The following CEP104 variants were observed in gnomAD, a reference collection of about 807,000 sequenced individuals.
CEP104 encodes the protein centrosomal protein 104, also known as centrosomal protein of 104 kDa.
A neutral mutation model predicts 113.3 loss-of-function variants in CEP104; 84 were observed. The observed-to-expected ratio is 0.74, with a 90% CI of 0.62 to 0.89. CEP104 has a LOEUF of 0.89. CEP104 is among the 40% of genes least tolerant of loss of function. CEP104 has a pLI of 0.00. For synonymous variants in CEP104, 378 were observed against 421.7 expected, an observed-to-expected ratio of 0.90 and a Z score of 1.27; for missense variants, 1,053 against 1,156.6, an observed-to-expected ratio of 0.91 and a Z score of 1.30.
intron 5 of CEP104, 144 bp downstream of exon 5, chr1:3,845,145 A>C (rs1405601397): frequency 3.7e-6 from 3 of 815,688 alleles, no homozygotes; most frequent in Non-Finnish European, 6.0e-6. Context: ...CATATGCTAC[A>C]GCTCCTAAAA....
chr1:3,856,708 G>A (rs1436453410), intron 1 of CEP104, among the ~76,000 whole-genome samples, 181 bp downstream of exon 1: 1 of 152,070 alleles, frequency 6.6e-6, no homozygotes, highest in Admixed American at 6.5e-5. Flanking sequence ...GGGCCGCGCC[G>A]GCTCTTCGGC....
At chr1:3,843,329 A>AG in intron 6 of CEP104, 1 of 546,666 alleles carries the variant, frequency 1.8e-6, no homozygotes, top group Non-Finnish European at 3.4e-6. Flanking sequence ...CACTGCTAAA[A>AG]AAAAAAAAAA....
At position 3,846,194 on chromosome 1, in the gene CEP104, T is replaced by C. The variant is rs1486666495; in HGVS notation, c.427-843A>G. Among the ~76,000 whole-genome samples the C allele has an allele frequency of 2.0e-5, 3 of 151,798 alleles. No individual in the cohort carries two copies. In the East Asian group the frequency reaches 5.8e-4, roughly 29 times the overall value. On this transcript the variant is annotated intron_variant, in intron 4 of 21. Transcript: ENST00000378230. ...CACGTGAGATTCAGTATGGAGCTCA[T>C]CTTTGAAGGATCTTGGGAAATTAGA...
intron 6 of CEP104, among the ~76,000 whole-genome samples, chr1:3,841,293 T>C (rs1644407351): frequency 6.6e-6 from 1 of 152,076 alleles, no homozygotes; most frequent in Admixed American, 6.6e-5. Flanking sequence ...AGCCCCCCTC[T>C]GGCATCTCCC....
intron 12 of CEP104, among the ~76,000 whole-genome samples, chr1:3,832,290 GTAA>G (rs1644224401): frequency 7.1e-6 from 1 of 139,922 alleles, no homozygotes; most frequent in Non-Finnish European, 1.6e-5. Flanking sequence ...GGAGTGTATT[GTAA>G]CCAGGAGTGT....
chr1:3,828,061 G>A (rs1644127108), intron 15 of CEP104, among the ~76,000 whole-genome samples: 1 of 152,084 alleles, frequency 6.6e-6, no homozygotes, highest in Admixed American at 6.5e-5. Flanking sequence ...GAGCATAGGA[G>A]ACCCCAGGAT....
chr1:3,853,900 G>A (rs1370600412), intron 1 of CEP104, among the ~76,000 whole-genome samples: 1 of 152,160 alleles, frequency 6.6e-6, no homozygotes, highest in Non-Finnish European at 1.5e-5. Flanking sequence ...TTCGAGACCA[G>A]CCTGGGTAAG....
rs2124659442 is a variant in CEP104 at position 3,831,120 on chromosome 1, T to G, written c.1762A>C (p.Met588Leu). 1 of 1,614,228 alleles carries G rather than the reference T, an allele frequency of 6.2e-7. No individual in the cohort carries two copies. The highest frequency in any genetic ancestry group is 1.1e-5 in the South Asian group (1 of 91,084). The change falls in exon 13 of 22, where the codon ATG becomes CTG. Residue 588 changes from methionine to leucine, a missense_variant. Coordinates refer to ENST00000378230, the MANE Select transcript of CEP104 (RefSeq NM_014704.4). ...NSSVHLAMSQ[M>L]GLLARLLKDL... ...TTCAGCAGCCGGGCCAGGAGGCCCA[T>G]CTGACTCATTGCCAGGTGAACTGAA... is the stretch of plus-strand genomic sequence containing the variant.
At position 3,839,703 on chromosome 1, in the gene CEP104, T is replaced by C. The variant is rs1431561102; in HGVS notation, c.640A>G (p.Ile214Val). 5.0e-6 allele frequency: 8 copies of C among 1,614,162 alleles called. No individual in the cohort carries two copies. The highest frequency in any genetic ancestry group is 1.6e-4 in the Middle Eastern group (1 of 6,062). Residue 214 changes from isoleucine to valine, a missense_variant, in exon 7 of 22, where the codon ATA becomes GTA. Ile to Val is a conservative substitution (Grantham distance 29). Coordinates refer to ENST00000378230, the MANE Select transcript of CEP104 (RefSeq NM_014704.4). ...MYQDPEVAQI[I>V]RKLDERKREA... ...CGTTTTCTTTCATCTAATTTTCGTA[T>C]GATCTGTGCAACTTCTGGATCTTGG...
intron 13 of CEP104, among the ~76,000 whole-genome samples, chr1:3,830,491 A>T (rs1644182159): frequency 1.3e-5 from 2 of 152,186 alleles, no homozygotes; most frequent in Non-Finnish European, 2.9e-5. Flanking sequence ...TCTTAAAGAC[A>T]GGCCGGGCGC....
Position 3,845,283 on chromosome 1 carries a change from A to G in CEP104, c.489+6T>C. 6.3e-7 allele frequency: 1 copy of G among 1,585,628 alleles called. No individual in the cohort carries two copies. Among genetic ancestry groups the G allele is most frequent in the Non-Finnish European group, 8.6e-7 (1 of 1,160,976 alleles). On this transcript the variant is annotated splice_donor_region_variant and intron_variant, in intron 5 of 21. Transcript: ENST00000378230. ...TTCCTTAGGAATTAAAACTTTCCAA[A>G]CTTACAGTATTGCTTTCATCACTGA... is the stretch of plus-strand genomic sequence containing the variant.
In CEP104 at chr1:3,839,596, C is replaced by T; in HGVS notation, c.735+12G>A. 6.2e-7 allele frequency: 1 copy of T among 1,607,068 alleles called. No individual in the cohort carries two copies. Among genetic ancestry groups the T allele is most frequent in the Non-Finnish European group, 8.5e-7 (1 of 1,177,410 alleles). ...GGCATAAATTAGGAACTGTTTTCTCCAAAGGCAATACCTTTTGCAAATCAG... is the reference window on the plus strand; with the variant it reads ...GGCATAAATTAGGAACTGTTTTCTCTAAAGGCAATACCTTTTGCAAATCAG... On this transcript the variant is annotated intron_variant, in intron 7 of 21. Transcript: ENST00000378230.
At chr1:3,828,766 C>T (rs1644142355) in intron 15 of CEP104, among the ~76,000 whole-genome samples, 1 of 152,116 alleles carries the variant, frequency 6.6e-6, no homozygotes, top group African/African-American at 2.4e-5. Flanking sequence ...TAATTCATAT[C>T]CCAGAAGCTG....
intron 18 of CEP104, among the ~76,000 whole-genome samples, chr1:3,824,890 G>A (rs1442059410): frequency 2.1e-5 from 3 of 145,274 alleles, no homozygotes; most frequent in Non-Finnish European, 1.5e-5. Flanking sequence ...CAGTGGCACC[G>A]TGGGAAGGGG....
chr1:3,826,501 G>T, intron 16 of CEP104, 65 bp from the exon 17 acceptor site: 1 of 1,457,008 alleles, frequency 6.9e-7, no homozygotes, highest in Non-Finnish European at 9.5e-7. Context: ...TTAGTAAGCA[G>T]TTTGATGTGA....
Position 3,829,789 on chromosome 1 carries a change from A to G in CEP104, c.2043+2T>C. 6.2e-7 allele frequency: 1 copy of G among 1,613,660 alleles called. No homozygotes were observed. Among genetic ancestry groups the G allele is most frequent in the Non-Finnish European group, 8.5e-7 (1 of 1,179,626 alleles). On this transcript the variant is annotated splice_donor_variant, in intron 14 of 21. Coordinates refer to ENST00000378230, the MANE Select transcript of CEP104 (RefSeq NM_014704.4). LOFTEE classifies it high-confidence loss of function. ...ATCACAACTTCACCAAAGTTAACTC[A>G]CCCTCATCTCAGCATCTGTAGCTCT...
Position 3,823,149 on chromosome 1 carries a change from G to C in CEP104, c.2571+25C>G, listed in dbSNP as rs1380052100. On this transcript the variant is annotated intron_variant, in intron 20 of 21. Coordinates refer to ENST00000378230, the MANE Select transcript of CEP104 (RefSeq NM_014704.4). This position sits in a 1 kb window ranked among gnomAD's most constrained non-coding sequence, Gnocchi z 4.1. Reference sequence around the variant, plus strand: ...CCACAGGTGTGTCACCTACTTCACTGGTCCCTTCTCCCCAGGCCCCTCACC... The same window carrying C: ...CCACAGGTGTGTCACCTACTTCACTCGTCCCTTCTCCCCAGGCCCCTCACC... The C allele has an allele frequency of 5.0e-6, 8 of 1,610,732 alleles. No individual in the cohort carries two copies. The highest frequency in any genetic ancestry group is 5.9e-6 in the Non-Finnish European group (7 of 1,177,540).
chr1:3,832,396 GACCAGGAGTGTAGCGTAGGTCC>G (rs1644229015), intron 12 of CEP104, among the ~76,000 whole-genome samples: 3 of 67,440 alleles, frequency 4.4e-5, no homozygotes, highest in African/African-American at 9.3e-5. Flanking sequence ...CGTAGGTCGT[GACCAGGAGTGTAGCGTAGGTCC>G]TGACCAGGAG....
chr1:3,831,803 G>C (rs1325330954), intron 12 of CEP104, among the ~76,000 whole-genome samples: 1 of 152,192 alleles, frequency 6.6e-6, no homozygotes, highest in African/African-American at 2.4e-5. Context: ...GTTACAATCA[G>C]AAATAAACCT....
Sources: allele counts gnomAD v4.1 joint callset (sites outside exome capture counted in the v4.1 genomes callset), GRCh38; gene constraint gnomAD v4.1.1; non-coding constraint Gnocchi (gnomAD v3.1); transcripts MANE v1.5; gene names NCBI Gene and HGNC (gene_info 2026-07-23, HGNC 2026-07-21).